The following COL21A1 variants were observed in gnomAD, a reference collection of about 807,000 sequenced individuals.
COL21A1 encodes the protein collagen alpha-1(XXI) chain.
Under a neutral mutation model 137.9 loss-of-function variants are expected in COL21A1, and 149 were observed. The observed-to-expected ratio is 1.08, with a 90% confidence interval of 0.95 to 1.24. COL21A1 has a LOEUF of 1.24. Among genes scored for constraint, COL21A1 ranks in the 50% most tolerant of loss-of-function variants. The pLI is 0.00. For missense variants in COL21A1, 1,167 were observed against 1,158.4 expected, an observed-to-expected ratio of 1.01 and a Z score of -0.11; for synonymous variants, 456 against 391.5, an observed-to-expected ratio of 1.16 and a Z score of -1.95.
Position 56,060,778 on chromosome 6 carries a change from T to C in COL21A1, c.2370A>G (p.Glu790=). 3.1e-6 allele frequency: 5 copies of C among 1,610,390 alleles called. No individual in the cohort carries two copies. The highest frequency in any genetic ancestry group is 4.2e-6 in the Non-Finnish European group (5 of 1,178,950). Residue 790 remains glutamate (E), a synonymous_variant, in exon 27 of 30, where the codon GAA becomes GAG. Coordinates refer to ENST00000244728, the MANE Select transcript of COL21A1 (RefSeq NM_030820.4). ...CTGTGCAAACTTGTCGAATAAATTGTTCTGAAAACTCTCTTCCCTGCATCA... is the reference window on the plus strand; with the variant it reads ...CTGTGCAAACTTGTCGAATAAATTGCTCTGAAAACTCTCTTCCCTGCATCA... ...LDGKPGREFS[E]QFIRQVCTDV... is the part of the protein sequence containing the mutation.
intron 1 of COL21A1, among the ~76,000 whole-genome samples, chr6:56,362,007 A>G (rs1765983120): frequency 6.6e-6 from 1 of 152,142 alleles, no homozygotes; most frequent in Non-Finnish European, 1.5e-5. Context: ...CACTAAGAGG[A>G]TATGAATCAG....
chr6:56,313,182 T>C (rs1380391685), intron 1 of COL21A1, among the ~76,000 whole-genome samples: 1 of 152,040 alleles, frequency 6.6e-6, no homozygotes, highest in Non-Finnish European at 1.5e-5. Flanking sequence ...CTGGAGATTC[T>C]AGTAGGGGAG....
intron 10 of COL21A1, among the ~76,000 whole-genome samples, chr6:56,145,188 C>T (rs762089443): frequency 2.0e-5 from 3 of 152,160 alleles, no homozygotes; most frequent in Non-Finnish European, 4.4e-5. Flanking sequence ...AACATGCAAA[C>T]ATGGCCTCAG....
intron 16 of COL21A1, among the ~76,000 whole-genome samples, chr6:56,117,330 C>A (rs1772029641): frequency 6.6e-6 from 1 of 151,870 alleles, no homozygotes; most frequent in African/African-American, 2.4e-5. Context: ...GCTTTCAAGT[C>A]AAAAACTAAG....
Position 56,179,952 on chromosome 6 carries a change from A to C in COL21A1, c.266T>G (p.Ile89Ser). Residue 89 changes from isoleucine (I) to serine (S), a missense_variant, in exon 3 of 30, where the codon ATT (isoleucine) becomes AGT (serine). Coordinates refer to ENST00000244728, the MANE Select transcript of COL21A1 (RefSeq NM_030820.4). ...VQYSDYPVLE[I>S]PLGSYDSGEH... ...TCCTGAATCATAGCTTCCGAGAGGA[A>C]TCTCCAGCACAGGGTAGTCACTATA... The C allele has an allele frequency of 6.2e-7, 1 of 1,613,892 alleles. No homozygotes were observed. The highest frequency in any genetic ancestry group is 1.6e-4 in the Middle Eastern group (1 of 6,062).
intron 1 of COL21A1, among the ~76,000 whole-genome samples, chr6:56,387,097 G>A (rs553041083): frequency 7.9e-5 from 12 of 152,192 alleles, no homozygotes; most frequent in Non-Finnish European, 1.3e-4. Flanking sequence ...TGTTGCATGC[G>A]TTAAATGCTT....
chr6:56,077,737 TTAGGAGA>T, intron 17 of COL21A1, 164 bp from the exon 18 acceptor site: 1 of 549,240 alleles, frequency 1.8e-6, no homozygotes, highest in East Asian at 3.0e-5. Context: ...AAAAGACAAC[TTAGGAGA>T]TATAGCATTA....
intron 1 of COL21A1, among the ~76,000 whole-genome samples, chr6:56,307,986 T>C (rs968091929): frequency 5.3e-5 from 8 of 152,162 alleles, no homozygotes; most frequent in African/African-American, 1.9e-4. Flanking sequence ...ATAAATACAA[T>C]GAGATGCTGT....
At chr6:56,353,107 A>C (rs1765751172) in intron 1 of COL21A1, among the ~76,000 whole-genome samples, 1 of 152,116 alleles carries the variant, frequency 6.6e-6, no homozygotes, top group South Asian at 2.1e-4. Flanking sequence ...CATGCCTACA[A>C]ATTATTTGGA....
At chr6:56,328,544 C>A (rs1171621524) in intron 1 of COL21A1, among the ~76,000 whole-genome samples, 1 of 152,036 alleles carries the variant, frequency 6.6e-6, no homozygotes, top group Non-Finnish European at 1.5e-5. Context: ...AAAGCAGAGA[C>A]CCTGCCTGTC....
chr6:56,273,671 C>T (rs917478723), intron 1 of COL21A1, among the ~76,000 whole-genome samples: 2 of 152,234 alleles, frequency 1.3e-5, no homozygotes, highest in Non-Finnish European at 1.5e-5. Context: ...AAGATTGAAT[C>T]AGGGAGAAAG....
chr6:56,183,180 A>G (rs1041629283), intron 1 of COL21A1, among the ~76,000 whole-genome samples: 3 of 152,214 alleles, frequency 2.0e-5, no homozygotes, highest in Non-Finnish European at 4.4e-5. Context: ...ACCATCTAAA[A>G]TAAGTCCAAG....
Position 56,128,517 on chromosome 6 carries a change from A to T in COL21A1, c.1543-2368T>A, listed in dbSNP as rs530046010. 1.3e-4 allele frequency among the ~76,000 whole-genome samples: 20 copies of T among 152,266 alleles called. No individual in the cohort carries two copies. In the South Asian group the frequency reaches 4.1e-3, roughly 32 times the overall value. On this transcript the variant is annotated intron_variant, in intron 12 of 29. Transcript: ENST00000244728. The stretch of plus-strand genomic sequence containing the variant: ...GCCATTTCATTGGATGCTGTTCTAG[A>T]TGTCAGTAGACTTCCCATACAAGGA...
At position 56,164,807 on chromosome 6, in the gene COL21A1, A is replaced by T. The variant is rs558004161; in HGVS notation, c.1287+7T>A. ...ACCTTAAGGGGAACAATAGTATCCAAGCCTACCTCTCCATTCTGAAAGAAA... is the reference window on the plus strand; with the variant it reads ...ACCTTAAGGGGAACAATAGTATCCATGCCTACCTCTCCATTCTGAAAGAAA... On this transcript the variant is annotated splice_region_variant and intron_variant, in intron 8 of 29. Coordinates refer to ENST00000244728, the MANE Select transcript of COL21A1 (RefSeq NM_030820.4). The T allele has an allele frequency of 5.5e-5, 87 of 1,568,426 alleles. 1 individual carries two copies. The South Asian group carries it at 1.0e-3, about 18-fold the overall frequency.
intron 1 of COL21A1, among the ~76,000 whole-genome samples, chr6:56,386,142 T>A (rs943755243): frequency 1.3e-5 from 2 of 151,812 alleles, no homozygotes; most frequent in African/African-American, 4.8e-5. Flanking sequence ...AGAGATGGAG[T>A]TTTACCATGT....
intron 1 of COL21A1, among the ~76,000 whole-genome samples, chr6:56,206,770 A>G (rs1779820736): frequency 2.7e-5 from 4 of 148,740 alleles, no homozygotes; most frequent in Non-Finnish European, 3.0e-5. Flanking sequence ...TTATTCTAGA[A>G]TTGACCACAT....
chr6:56,166,426 C>T (rs557135490), intron 7 of COL21A1, among the ~76,000 whole-genome samples: 1 of 152,058 alleles, frequency 6.6e-6, no homozygotes, highest in South Asian at 2.1e-4. Context: ...CTTAGGCCGG[C>T]GAATCACCTG....
intron 1 of COL21A1, among the ~76,000 whole-genome samples, chr6:56,332,610 T>C (rs560351555): frequency 2.5e-4 from 37 of 147,912 alleles, no homozygotes; most frequent in Non-Finnish European, 4.9e-4. Context: ...AAGGGTTACA[T>C]GTTTGCCCTT....
At chr6:56,085,184 T>C (rs978083325) in intron 17 of COL21A1, among the ~76,000 whole-genome samples, 6 of 152,036 alleles carry the variant, frequency 3.9e-5, no homozygotes, top group African/African-American at 1.2e-4. Context: ...TTTTGTCTAT[T>C]ACATAAAATT....
Sources: gnomAD v4.1 joint callset for allele counts (sites outside exome capture counted in the v4.1 genomes callset) on GRCh38, gnomAD v4.1.1 for gene constraint, MANE v1.5 for transcripts, NCBI Gene and HGNC (gene_info 2026-07-23, HGNC 2026-07-21) for gene names.